The following REEP5 variants were observed in gnomAD, a reference collection of about 807,000 sequenced individuals.
The protein encoded by REEP5 is receptor accessory protein 5, also known as receptor expression-enhancing protein 5.
A neutral mutation model predicts 22.4 loss-of-function variants in REEP5; 24 were observed. The observed-to-expected ratio is 1.07, with a 90% confidence interval of 0.78 to 1.51. REEP5 has a LOEUF of 1.51. REEP5 is among the 40% of genes most tolerant of loss of function. The pLI, the probability that REEP5 is intolerant of heterozygous loss-of-function variation, is 0.00. For missense variants in REEP5, 252 were observed against 233.0 expected (o/e 1.08, Z -0.53); for synonymous variants, 103 against 88.6 (o/e 1.16, Z -0.92).
chr5:112,921,546 C>G, intron 1 of REEP5: 2 of 457,492 alleles, frequency 4.4e-6, no homozygotes, highest in South Asian at 2.3e-5. Flanking sequence ...CAGGCACCCG[C>G]TTCCGCCCTC....
In REEP5 at chr5:112,876,903, T is replaced by C. The variant is rs904655305; in HGVS notation, c.*1883A>G. ...GCCTGTAAGTCATTATGAGCAATAGTAACTTTTGTACCTCCTCATCTTGTC... is the reference window on the plus strand; with the variant it reads ...GCCTGTAAGTCATTATGAGCAATAGCAACTTTTGTACCTCCTCATCTTGTC... On this transcript the variant is annotated 3_prime_UTR_variant, in exon 5 of 5. Transcript: ENST00000379638. 2 of 152,212 alleles carry C rather than the reference T, an allele frequency of 1.3e-5. No homozygotes were observed. Among genetic ancestry groups the C allele is most frequent in the African/African-American group, 4.8e-5 (2 of 41,460 alleles). The allele number at this position is 152,212 out of a possible 1,614,324, so 9.4% of individuals were successfully genotyped here.
At position 112,893,072 on chromosome 5, in the gene REEP5, C is replaced by G. The variant is rs747590336; in HGVS notation, c.352-5889G>C. ...GACAGAACTGTTCAGAGTCCCCAAT[C>G]CAAATAAACTAGTTTTGTTCTTAAA... On this transcript the variant is annotated intron_variant, in intron 3 of 4. Transcript: ENST00000379638. 12 of 1,035,728 alleles carry G rather than the reference C, an allele frequency of 1.2e-5. No homozygotes were observed. In the East Asian group the frequency reaches 2.4e-4, roughly 21 times the overall value. 64.2% of individuals were successfully genotyped at this position (1,035,728 alleles called of 1,614,324 possible).
At chr5:112,903,251 A>G (rs551342189) in intron 2 of REEP5, among the ~76,000 whole-genome samples, 6 of 152,328 alleles carry the variant, frequency 3.9e-5, no homozygotes, top group East Asian at 1.9e-4. Flanking sequence ...AAGCTCCACA[A>G]TTTCTTATCC....
chr5:112,892,748 A>C, intron 3 of REEP5: 1 of 1,614,074 alleles, frequency 6.2e-7, no homozygotes, highest in Non-Finnish European at 8.5e-7. Context: ...GAGAGGAGGG[A>C]GAAGATGGGC....
At chr5:112,878,937 T>G (rs1024330197) in intron 4 of REEP5, 102 bp from the exon 5 acceptor site, 2 of 1,571,080 alleles carry the variant, frequency 1.3e-6, no homozygotes, top group African/African-American at 2.7e-5. Context: ...ATAACAAAAC[T>G]TGGATGACTC....
intron 2 of REEP5, among the ~76,000 whole-genome samples, chr5:112,911,464 C>A (rs554177674): frequency 6.6e-6 from 1 of 152,304 alleles, no homozygotes; most frequent in Non-Finnish European, 1.5e-5. Flanking sequence ...ATACTTACAG[C>A]TAATGCTTAC....
chr5:112,906,325 G>A (rs570447914), intron 2 of REEP5, among the ~76,000 whole-genome samples: 3 of 152,340 alleles, frequency 2.0e-5, no homozygotes, highest in Admixed American at 2.0e-4. Flanking sequence ...TCCAAAGCCT[G>A]TGCTTTGTTC....
chr5:112,912,854 T>C (rs1769136146), intron 2 of REEP5, among the ~76,000 whole-genome samples: 1 of 152,178 alleles, frequency 6.6e-6, no homozygotes, highest in African/African-American at 2.4e-5. Context: ...TAAACACTAG[T>C]TCGTTTCCAT....
chr5:112,881,706 C>T (rs1346688147), intron 4 of REEP5, among the ~76,000 whole-genome samples: 1 of 152,124 alleles, frequency 6.6e-6, no homozygotes, highest in Non-Finnish European at 1.5e-5. Context: ...TCTTGGGCTA[C>T]TTTGCCTTAG....
chr5:112,921,142 G>A, intron 2 of REEP5, 21 bp downstream of exon 2: 2 of 1,610,580 alleles, frequency 1.2e-6, no homozygotes, highest in Non-Finnish European at 1.7e-6. Flanking sequence ...GAAGGGGACG[G>A]CTGCAGGGTG....
Position 112,902,482 on chromosome 5 carries a change from A to T in REEP5, c.249T>A (p.Asp83Glu). The change falls in exon 3 of 5, where the codon GAT (aspartate) becomes GAA (glutamate). Residue 83 changes from aspartate to glutamate, a missense_variant. Physicochemically the swap from Asp to Glu is conservative, Grantham distance 45. Coordinates refer to ENST00000379638, the MANE Select transcript of REEP5 (RefSeq NM_005669.5). ...CTACCCAGTAGGTCAGCCACTGGGT[A>T]TCATCTTCTTTGTTGGGACTCTCTA... is the stretch of plus-strand genomic sequence containing the variant. Reference protein sequence around the residue: ...KAIESPNKEDDTQWLTYWVVY... With the variant: ...KAIESPNKEDETQWLTYWVVY... 2 of 1,610,216 alleles carry T rather than the reference A, an allele frequency of 1.2e-6. No homozygotes were observed. Among genetic ancestry groups the T allele is most frequent in the Non-Finnish European group, 1.7e-6 (2 of 1,178,816 alleles).
intron 3 of REEP5, 63 bp from the exon 4 acceptor site, chr5:112,887,246 A>G: frequency 7.1e-7 from 1 of 1,415,330 alleles, no homozygotes; most frequent in Non-Finnish European, 9.4e-7. Flanking sequence ...CTGAGAATAC[A>G]CACTGTCTTT....
intron 2 of REEP5, among the ~76,000 whole-genome samples, chr5:112,908,588 C>T (rs1011471232): frequency 2.6e-5 from 4 of 152,032 alleles, no homozygotes; most frequent in South Asian, 2.1e-4. Flanking sequence ...TGCAGTGGCG[C>T]GATCTCGGCT....
At chr5:112,905,708 C>G (rs2150045283) in intron 2 of REEP5, among the ~76,000 whole-genome samples, 1 of 152,168 alleles carries the variant, frequency 6.6e-6, no homozygotes, top group South Asian at 2.1e-4. Context: ...GCGGCCTCAA[C>G]CTCCTGGACT....
At chr5:112,892,913 C>A (rs767279555) in intron 3 of REEP5, 8 of 1,607,720 alleles carry the variant, frequency 5.0e-6, no homozygotes, top group African/African-American at 1.3e-5. Context: ...AGGCACAATT[C>A]ACCAAGCAGA....
At chr5:112,908,004 T>C (rs1192768991) in intron 2 of REEP5, among the ~76,000 whole-genome samples, 2 of 152,018 alleles carry the variant, frequency 1.3e-5, no homozygotes, top group Non-Finnish European at 2.9e-5. Context: ...TTAAGGTCTT[T>C]CCAATGAGTA....
chr5:112,878,842 G>C lies in REEP5; in HGVS notation c.521-7C>G. ...TTCACGGTAGCTTTCTTCGCTGTTT[G>C]TTTGTTAGGAGGGAAAGAAAAATAT... On this transcript the variant is annotated splice_region_variant and splice_polypyrimidine_tract_variant and intron_variant, in intron 4 of 4. Coordinates refer to ENST00000379638, the MANE Select transcript of REEP5 (RefSeq NM_005669.5). 6.2e-7 allele frequency: 1 copy of C among 1,613,990 alleles called. No individual in the cohort carries two copies. The highest frequency in any genetic ancestry group is 8.5e-7 in the Non-Finnish European group (1 of 1,179,998).
chr5:112,891,069 T>TTTA (rs1768428662), intron 3 of REEP5, among the ~76,000 whole-genome samples: 5 of 150,354 alleles, frequency 3.3e-5, no homozygotes, highest in Admixed American at 1.3e-4. Flanking sequence ...TAAGCAAATA[T>TTTA]TTATTTTTAT....
intron 2 of REEP5, among the ~76,000 whole-genome samples, chr5:112,919,615 C>T (rs754557743): frequency 6.6e-6 from 1 of 152,082 alleles, no homozygotes; most frequent in African/African-American, 2.4e-5. Flanking sequence ...GCATGGGATT[C>T]GTGTCCTTAT....
Sources: allele counts gnomAD v4.1 joint callset (sites outside exome capture counted in the v4.1 genomes callset), GRCh38; gene constraint gnomAD v4.1.1; transcripts MANE v1.5; gene names NCBI Gene and HGNC (gene_info 2026-07-23, HGNC 2026-07-21).